CD164L2: variants seen among roughly 807,000 people sequenced by gnomAD.
CD164L2 encodes CD164 sialomucin-like 2 protein.
Under a neutral mutation model 23.9 loss-of-function variants are expected in CD164L2, and 21 were observed. The observed-to-expected ratio is 0.88, with a 90% CI of 0.62 to 1.27. CD164L2 has a LOEUF of 1.27. Among genes scored for constraint, CD164L2 ranks in the 50% most tolerant of loss-of-function variants. The pLI is 0.00. For synonymous variants in CD164L2, 92 were observed against 90.2 expected (o/e 1.02, Z -0.11); for missense variants, 230 against 224.8 (o/e 1.02, Z -0.15).
In CD164L2 at chr1:27,379,311, G is replaced by A. The variant is rs1041660005; in HGVS notation, c.*192C>T. 7 of 620,244 alleles carry A rather than the reference G, an allele frequency of 1.1e-5. No individual in the cohort carries two copies. Among genetic ancestry groups the A allele is most frequent in the Middle Eastern group, 4.3e-4 (1 of 2,322 alleles). 38.4% of individuals were successfully genotyped at this position (620,244 alleles called of 1,614,324 possible). ...ACGAGGTGGTTGAGGGATTTTCTCAGCTGCAGGTTCCAGGCCCAGGACAGG... is the reference window on the plus strand; with the variant it reads ...ACGAGGTGGTTGAGGGATTTTCTCAACTGCAGGTTCCAGGCCCAGGACAGG... On this transcript the variant is annotated 3_prime_UTR_variant, in exon 6 of 6. Coordinates refer to ENST00000374030, the MANE Select transcript of CD164L2 (RefSeq NM_001330448.1).
intron 4 of CD164L2, among the ~76,000 whole-genome samples, chr1:27,381,229 C>T (rs1407511549): frequency 6.6e-6 from 1 of 152,212 alleles, no homozygotes; most frequent in African/African-American, 2.4e-5. Context: ...GCTGAGGGAG[C>T]TGAGCCATCA....
intron 4 of CD164L2, 51 bp from the exon 5 acceptor site, chr1:27,380,246 T>A (rs2016313102): frequency 1.3e-6 from 2 of 1,558,586 alleles, no homozygotes; most frequent in Non-Finnish European, 1.8e-6. Context: ...TGAACCAGGA[T>A]CCCAGTCCTA....
intron 4 of CD164L2, among the ~76,000 whole-genome samples, chr1:27,380,949 A>T (rs552594620): frequency 1.3e-5 from 2 of 152,262 alleles, no homozygotes; most frequent in East Asian, 1.9e-4. Flanking sequence ...GTACCTGTCC[A>T]CTCCTAGCAG....
In CD164L2 at chr1:27,379,430, A is replaced by T; in HGVS notation, c.*73T>A. On this transcript the variant is annotated 3_prime_UTR_variant, in exon 6 of 6. Transcript: ENST00000374030. ...TTTTTCCCGCCCCCGCCCCCCGCTT[A>T]CCCACAAGGGTGCCCAGAGGCCACC... is the stretch of plus-strand genomic sequence containing the variant. The T allele has an allele frequency of 9.1e-7, 1 of 1,102,220 alleles. No homozygotes were observed. Among genetic ancestry groups the T allele is most frequent in the Non-Finnish European group, 1.3e-6 (1 of 757,232 alleles). 68.3% of individuals were successfully genotyped at this position (1,102,220 alleles called of 1,614,324 possible).
chr1:27,380,146 G>A lies in CD164L2; in HGVS notation c.423C>T (p.Ser141=). 6.2e-7 allele frequency: 1 copy of A among 1,614,188 alleles called. No individual in the cohort carries two copies. The change falls in exon 5 of 6, where the codon AGC becomes AGT. Residue 141 remains serine, a synonymous_variant. Coordinates refer to ENST00000374030, the MANE Select transcript of CD164L2 (RefSeq NM_001330448.1). ...EAHSPGFDGA[S]FIGGVVLVLS... ...ACACCAGCACGACACCTCCGATAAA[G>A]CTGGCCCCGTCAAATCCAGGGCTGT...
intron 5 of CD164L2, 54 bp from the exon 6 acceptor site, chr1:27,379,563 G>C (rs2016299424): frequency 4.5e-6 from 7 of 1,550,506 alleles, no homozygotes; most frequent in Non-Finnish European, 5.2e-6. Flanking sequence ...AGCCAGCCAA[G>C]GACCCCCTGC....
rs1208080093 is a variant in CD164L2 at position 27,382,148 on chromosome 1, C to T, written c.328+180G>A. The T allele has an allele frequency of 1.9e-6, 3 of 1,538,908 alleles. No individual in the cohort carries two copies. The Admixed American group carries it at 5.9e-5, about 30-fold the overall frequency. On this transcript the variant is annotated intron_variant, in intron 3 of 5. Transcript: ENST00000374030. ...CCCTCCACACACCTGTACTAATTTTCAGATGAGGAAATAGGCAGAGAGAGG... is the reference window on the plus strand; with the variant it reads ...CCCTCCACACACCTGTACTAATTTTTAGATGAGGAAATAGGCAGAGAGAGG...
At position 27,381,798 on chromosome 1, in the gene CD164L2, G is replaced by T. The variant is rs1230715748; in HGVS notation, c.355C>A (p.Pro119Thr). The T allele has an allele frequency of 6.2e-7, 1 of 1,613,998 alleles. No individual in the cohort carries two copies. The highest frequency in any genetic ancestry group is 1.1e-5 in the South Asian group (1 of 91,078). ...PAAHHHPTYE[P>T]KTVTTGSPPV... ...TACTCACCTGTTGTGACTGTCTTCGGTTCATAGGTGGGGTGGTGGTGAGCA... is the reference window on the plus strand; with the variant it reads ...TACTCACCTGTTGTGACTGTCTTCGTTTCATAGGTGGGGTGGTGGTGAGCA... Residue 119 changes from proline to threonine, a missense_variant, in exon 4 of 6, where the codon CCG becomes ACG. Transcript: ENST00000374030.
At chr1:27,381,143 C>G (rs2016328380) in intron 4 of CD164L2, among the ~76,000 whole-genome samples, 1 of 152,162 alleles carries the variant, frequency 6.6e-6, no homozygotes, top group Non-Finnish European at 1.5e-5. Flanking sequence ...GCTCAGGGAG[C>G]CCCAGAGAAG....
At chr1:27,379,844 C>T in intron 5 of CD164L2, 2 of 1,477,414 alleles carry the variant, frequency 1.4e-6, no homozygotes, top group Non-Finnish European at 1.8e-6. Context: ...CTGGCCCAGG[C>T]TGAGTCCTGG....
intron 5 of CD164L2, chr1:27,379,749 T>C: frequency 6.9e-7 from 1 of 1,441,148 alleles, no homozygotes; most frequent in Non-Finnish European, 9.1e-7. Flanking sequence ...GGCCACAGGC[T>C]TGCCTGGGCT....
chr1:27,379,973 G>A, intron 5 of CD164L2, 78 bp downstream of exon 5: 3 of 1,576,340 alleles, frequency 1.9e-6, no homozygotes, highest in Non-Finnish European at 2.6e-6. Context: ...CAGCACCCTG[G>A]GTACTGAAGG....
intron 4 of CD164L2, among the ~76,000 whole-genome samples, chr1:27,380,975 C>G (rs534887304): frequency 1.3e-5 from 2 of 152,344 alleles, no homozygotes; most frequent in African/African-American, 4.8e-5. Context: ...TGATTTCAGG[C>G]CCTGGGCTGG....
chr1:27,382,147 T>G, intron 3 of CD164L2, 181 bp downstream of exon 3: 1 of 1,538,406 alleles, frequency 6.5e-7, no homozygotes, highest in Non-Finnish European at 8.8e-7. Flanking sequence ...GTACTAATTT[T>G]CAGATGAGGA....
chr1:27,379,686 C>T, intron 5 of CD164L2, 177 bp from the exon 6 acceptor site: 2 of 1,482,120 alleles, frequency 1.3e-6, no homozygotes, highest in East Asian at 5.0e-5. Context: ...CTTCTCAGAG[C>T]AAAACCCAAC....
At position 27,380,077 on chromosome 1, in the gene CD164L2, C is replaced by T; in HGVS notation, c.492G>A (p.Lys164=). The change falls in exon 5 of 6, where the codon AAG becomes AAA. Residue 164 remains lysine (K), a synonymous_variant. Transcript: ENST00000374030. ...AVAFFVLHFL[K]AKDSTYQTLI Reference sequence around the variant, plus strand: ...GCGTCTGGTAGGTGCTGTCCTTGGCCTTGAGGAAGTGCAGCACAAAGAAAG... The same window carrying T: ...GCGTCTGGTAGGTGCTGTCCTTGGCTTTGAGGAAGTGCAGCACAAAGAAAG... 1 of 1,614,100 alleles carries T rather than the reference C, an allele frequency of 6.2e-7. No homozygotes were observed. Among genetic ancestry groups the T allele is most frequent in the Non-Finnish European group, 8.5e-7 (1 of 1,179,996 alleles).
chr1:27,380,311 T>A, intron 4 of CD164L2, 116 bp from the exon 5 acceptor site: 2 of 946,642 alleles, frequency 2.1e-6, no homozygotes, highest in Non-Finnish European at 3.2e-6. Context: ...ATGGGGTGCT[T>A]AAACCCTGGG....
intron 3 of CD164L2, 21 bp downstream of exon 3, chr1:27,382,307 T>G (rs777249189): frequency 6.2e-7 from 1 of 1,614,086 alleles, no homozygotes; most frequent in Non-Finnish European, 8.5e-7. Flanking sequence ...CAACTTGGCT[T>G]AGGTGCAAGA....
In CD164L2 at chr1:27,383,138, C is replaced by G; in HGVS notation, c.88+14G>C. On this transcript the variant is annotated intron_variant, in intron 1 of 5. Transcript: ENST00000374030. ...TCCCCGTCGAGCCCCTAGCCAGACCCTGCCGCGAGTTACCAGCCACAGCCA... is the reference window on the plus strand; with the variant it reads ...TCCCCGTCGAGCCCCTAGCCAGACCGTGCCGCGAGTTACCAGCCACAGCCA... 6.5e-7 allele frequency: 1 copy of G among 1,545,370 alleles called. No homozygotes were observed. Among genetic ancestry groups the G allele is most frequent in the Non-Finnish European group, 8.7e-7 (1 of 1,143,770 alleles).
Sources: allele counts gnomAD v4.1 joint callset (sites outside exome capture counted in the v4.1 genomes callset), GRCh38; gene constraint gnomAD v4.1.1; transcripts MANE v1.5; gene names NCBI Gene and HGNC (gene_info 2026-07-23, HGNC 2026-07-21).